NVL: variants seen among roughly 807,000 people sequenced by gnomAD.
NVL encodes nuclear valosin-containing protein-like.
In NVL, 84 loss-of-function variants were observed where a neutral mutation model predicts 110.2. The observed-to-expected ratio is 0.76, with a 90% CI of 0.64 to 0.91. The LOEUF (loss-of-function observed/expected upper bound fraction) is 0.91, where lower values mean the gene tolerates loss of function less well. Among genes scored for constraint, NVL ranks in the 40% least tolerant of loss-of-function variants. NVL has a pLI of 0.00. For missense variants in NVL, 882 were observed against 1,035.9 expected (o/e 0.85, Z 2.04); for synonymous variants, 354 against 361.1 (o/e 0.98, Z 0.22).
chr1:224,271,738 C>T (rs981955478), intron 17 of NVL, among the ~76,000 whole-genome samples: 2 of 152,084 alleles, frequency 1.3e-5, no homozygotes, highest in African/African-American at 2.4e-5. Context: ...ATTTGCCAGG[C>T]GCGGTGGCTC....
intron 22 of NVL, 59 bp from the exon 23 acceptor site, chr1:224,227,729 G>T: frequency 6.5e-7 from 1 of 1,530,234 alleles, no homozygotes; most frequent in South Asian, 1.2e-5. Flanking sequence ...GGGCTGAATG[G>T]TGCCCCCCAA....
intron 18 of NVL, among the ~76,000 whole-genome samples, chr1:224,253,943 T>A (rs951746270): frequency 6.6e-6 from 1 of 152,140 alleles, no homozygotes. Flanking sequence ...TAGTGACTAA[T>A]GGTGTGAAGC....
chr1:224,307,989 A>G lies in NVL; in HGVS notation c.615+2T>C. On this transcript the variant is annotated splice_donor_variant, in intron 6 of 22. Coordinates refer to ENST00000281701, the MANE Select transcript of NVL (RefSeq NM_002533.4). LOFTEE classifies it high-confidence loss of function. ...GGGGCTAAAATTTCATTACAAAAAT[A>G]CCTGTATCTCAGTTATTGGCTTCTT... is the stretch of plus-strand genomic sequence containing the variant. 6.6e-7 allele frequency: 1 copy of G among 1,514,234 alleles called. No homozygotes were observed. The highest frequency in any genetic ancestry group is 8.8e-7 in the Non-Finnish European group (1 of 1,133,932). The allele number at this position is 1,514,234 out of a possible 1,614,324, so 93.8% of individuals were successfully genotyped here.
chr1:224,260,101 G>T (rs190881250), intron 18 of NVL, among the ~76,000 whole-genome samples: 1 of 152,258 alleles, frequency 6.6e-6, no homozygotes, highest in Non-Finnish European at 1.5e-5. Context: ...GTTGACCATG[G>T]CACCAAGTCA....
chr1:224,275,853 A>G (rs927958986), intron 16 of NVL, among the ~76,000 whole-genome samples: 1 of 152,194 alleles, frequency 6.6e-6, no homozygotes, highest in African/African-American at 2.4e-5. Context: ...ACATACACAC[A>G]AGTCAAATTA....
At chr1:224,281,284 CGTGTGTGTGT>C (rs34156240) in intron 15 of NVL, 99 bp from the exon 16 acceptor site, 36 of 553,130 alleles carry the variant, frequency 6.5e-5, no homozygotes, top group South Asian at 2.9e-4. Context: ...ACTCTGTGTG[CGTGTGTGTGT>C]GTGTGTGTGT....
intron 5 of NVL, among the ~76,000 whole-genome samples, chr1:224,310,810 A>C (rs1367276129): frequency 6.6e-6 from 1 of 151,768 alleles, no homozygotes; most frequent in Non-Finnish European, 1.5e-5. Flanking sequence ...AGCTCACCGC[A>C]GCCTCAAACT....
At chr1:224,282,190 C>T (rs1666427601) in intron 15 of NVL, among the ~76,000 whole-genome samples, 2 of 151,742 alleles carry the variant, frequency 1.3e-5, no homozygotes, top group South Asian at 2.1e-4. Flanking sequence ...CTCAGCCTTC[C>T]GAGGAGCTGG....
chr1:224,307,573 G>A lies in NVL; in HGVS notation c.615+418C>T, dbSNP rs1669054358. 1.3e-5 allele frequency among the ~76,000 whole-genome samples: 2 copies of A among 152,060 alleles called. 1 individual carries two copies. The highest frequency in any genetic ancestry group is 4.2e-4 in the South Asian group (2 of 4,814). ...AAGTTAGCTAGGTGTGGTGGCACAT[G>A]CCTGTAGTCTTAGTTACATGGGAGG... On this transcript the variant is annotated intron_variant, in intron 6 of 22. Transcript: ENST00000281701.
At chr1:224,298,871 T>C (rs1216273686) in intron 10 of NVL, among the ~76,000 whole-genome samples, 3 of 152,132 alleles carry the variant, frequency 2.0e-5, no homozygotes, top group Non-Finnish European at 4.4e-5. Context: ...CTCTAAATCA[T>C]CATGGAAGAC....
intron 20 of NVL, among the ~76,000 whole-genome samples, chr1:224,234,053 T>C (rs1660194926): frequency 6.6e-6 from 1 of 152,110 alleles, no homozygotes; most frequent in Non-Finnish European, 1.5e-5. Context: ...AAAAAGTCAC[T>C]TGTGGCTCCA....
rs746002412 is a variant in NVL at position 224,304,755 on chromosome 1, C to T, written c.806G>A (p.Gly269Asp). ...ISNVKFEDVGGNDMTLKEVCK... is the reference protein window; with the variant it reads ...ISNVKFEDVGDNDMTLKEVCK... ...ACTAACTTTTAATGTCATATCATTG[C>T]CTCCCACATCTTCAAACTTCACGTT... Residue 269 changes from glycine (G) to aspartate (D), a missense_variant, in exon 8 of 23, where the codon GGC becomes GAC. Transcript: ENST00000281701. 3.1e-6 allele frequency: 5 copies of T among 1,613,748 alleles called. No homozygotes were observed. The African/African-American group carries it at 5.3e-5, about 17-fold the overall frequency.
At chr1:224,260,692 T>C (rs952335579) in intron 18 of NVL, among the ~76,000 whole-genome samples, 6 of 150,076 alleles carry the variant, frequency 4.0e-5, no homozygotes, top group Non-Finnish European at 7.4e-5. Context: ...ATTTATTTCT[T>C]CTTTTCCTTT....
In NVL at chr1:224,231,254, T is replaced by C. The variant is rs749650801; in HGVS notation, c.2498A>G (p.Lys833Arg). 1 of 1,612,948 alleles carries C rather than the reference T, an allele frequency of 6.2e-7. No homozygotes were observed. The highest frequency in any genetic ancestry group is 8.5e-7 in the Non-Finnish European group (1 of 1,179,680). Residue 833 changes from lysine (K) to arginine (R), a missense_variant, in exon 22 of 23, where the codon AAG becomes AGG. By Grantham distance (26) the Lys-to-Arg change is conservative (BLOSUM62 2). Around this residue, in one of 4 missense-constraint regions of NVL, gnomAD observed 126 missense variants for 140.7 expected, o/e 0.90. Transcript: ENST00000281701. ...TTTTGATATAGATGATCTTACTTTC[T>C]TGAAAGCTTCTTCAAAATGCTTATG... Reference protein sequence around the residue: ...VSHKHFEEAFKKVRSSISKKD... With the variant: ...VSHKHFEEAFRKVRSSISKKD...
Position 224,234,458 on chromosome 1 carries a change from C to CT in NVL, c.2367-1170dup, listed in dbSNP as rs956469954. ...TGTTGATAATCCCCATACTATATAA[C>CT]TTTTTTTTTTTTGAGATGGAGTCTT... is the stretch of plus-strand genomic sequence containing the variant. On this transcript the variant is annotated intron_variant, in intron 20 of 22. Coordinates refer to ENST00000281701, the MANE Select transcript of NVL (RefSeq NM_002533.4). Among the ~76,000 whole-genome samples the CT allele has an allele frequency of 4.6e-3, 674 of 146,792 alleles. 2 individuals carry two copies. Among genetic ancestry groups the CT allele is most frequent in the African/African-American group, 0.013 (505 of 40,346 alleles).
At chr1:224,271,476 G>T (rs964278315) in intron 17 of NVL, among the ~76,000 whole-genome samples, 3 of 151,976 alleles carry the variant, frequency 2.0e-5, no homozygotes, top group African/African-American at 7.3e-5. Context: ...CTGGGAGACA[G>T]GGTAAGACCC....
chr1:224,295,403 T>C (rs1667781827), intron 11 of NVL, among the ~76,000 whole-genome samples: 1 of 151,968 alleles, frequency 6.6e-6, no homozygotes, highest in African/African-American at 2.4e-5. Flanking sequence ...AGTTTCACCG[T>C]GTTAACCAGG....
At chr1:224,257,512 TTGTC>T (rs3035478) in intron 18 of NVL, among the ~76,000 whole-genome samples, 128,745 of 151,280 alleles carry the variant, frequency 0.85, 56,269 homozygotes, top group Non-Finnish European at 0.94. Flanking sequence ...GGTTTTTTGT[TTGTC>T]TGTTTGTTTG....
intron 16 of NVL, among the ~76,000 whole-genome samples, chr1:224,279,135 T>C (rs565190608): frequency 6.6e-5 from 10 of 152,262 alleles, no homozygotes; most frequent in African/African-American, 2.4e-4. Flanking sequence ...GATATACATA[T>C]ATAATATTCA....
Sources: gnomAD v4.1 joint callset for allele counts (sites outside exome capture counted in the v4.1 genomes callset) on GRCh38, gnomAD v4.1.1 for gene constraint, gnomAD v4.1.1 regional missense constraint, MANE v1.5 for transcripts, NCBI Gene and HGNC (gene_info 2026-07-23, HGNC 2026-07-21) for gene names.